PCDHGA6: variants seen among roughly 807,000 people sequenced by gnomAD.
The protein encoded by PCDHGA6 is protocadherin gamma subfamily A, 6, also known as protocadherin gamma-A6.
In PCDHGA6, 41 loss-of-function variants were observed where a neutral mutation model predicts 60.6. That is an observed-to-expected ratio of 0.68 (90% CI 0.53 to 0.88). The LOEUF (loss-of-function observed/expected upper bound fraction) is 0.88, where lower values mean the gene tolerates loss of function less well. Among genes scored for constraint, PCDHGA6 ranks in the 40% least tolerant of loss-of-function variants. The pLI is 0.00. For synonymous variants in PCDHGA6, 594 were observed against 524.4 expected (o/e 1.13, Z -1.81); for missense variants, 1,312 against 1,203.0 (o/e 1.09, Z -1.34).
intron 1 of PCDHGA6, chr5:141,409,285 T>G (rs773096828): frequency 6.2e-7 from 1 of 1,613,966 alleles, no homozygotes; most frequent in South Asian, 1.1e-5. Context: ...AGAATTCACC[T>G]CCAGGAATGG....
chr5:141,487,467 T>C lies in PCDHGA6; in HGVS notation c.2425-7340T>C. ...GATGACCCTATCAAGTTTGTTGATG[T>C]GGGAGGCCACTCTCATGGCTGTACA... On this transcript the variant is annotated intron_variant, in intron 1 of 3. Transcript: ENST00000517434. The surrounding 1 kb of genome is among the most constrained non-coding windows in gnomAD (Gnocchi z 5.0). 6.2e-7 allele frequency: 1 copy of C among 1,614,186 alleles called. No individual in the cohort carries two copies. The highest frequency in any genetic ancestry group is 8.5e-7 in the Non-Finnish European group (1 of 1,180,026).
chr5:141,506,832 C>T (rs1398190563), intron 3 of PCDHGA6, among the ~76,000 whole-genome samples: 1 of 152,130 alleles, frequency 6.6e-6, no homozygotes, highest in African/African-American at 2.4e-5. Flanking sequence ...GAACTGATAG[C>T]CCTGCCCTCC....
rs1373211276 is a variant in PCDHGA6, at chr5:141,374,153, T to TG, written c.76dup (p.Ala26GlyfsTer46). The TG allele has an allele frequency of 3.1e-6, 5 of 1,612,056 alleles. No individual in the cohort carries two copies. Among genetic ancestry groups the TG allele is most frequent in the African/African-American group, 2.7e-5 (2 of 75,012 alleles). On this transcript the variant is annotated frameshift_variant, in exon 1 of 4. Coordinates refer to ENST00000517434, the MANE Select transcript of PCDHGA6 (RefSeq NM_018919.3). LOFTEE classifies it high-confidence loss of function. ...GCTCCTCACGCTCCTGGGGACGCTGTGGGGGGCCGCGGCAGCGCAGATCCG... is the reference window on the plus strand; with the variant it reads ...GCTCCTCACGCTCCTGGGGACGCTGTGGGGGGGCCGCGGCAGCGCAGATCCG...
chr5:141,393,742 A>T, intron 1 of PCDHGA6: 1 of 1,613,902 alleles, frequency 6.2e-7, no homozygotes, highest in Non-Finnish European at 8.5e-7. Flanking sequence ...CTAGATTATG[A>T]AGAATGTTCA....
At chr5:141,398,414 G>C (rs373274513) in intron 1 of PCDHGA6, 1 of 1,487,954 alleles carries the variant, frequency 6.7e-7, no homozygotes, top group Non-Finnish European at 9.3e-7. Flanking sequence ...GAGGAGATAT[G>C]CGGGAAGAAG....
intron 1 of PCDHGA6, among the ~76,000 whole-genome samples, chr5:141,444,152 ATTTTTTTTTTTTTTTT>A (rs747671382): frequency 6.3e-3 from 214 of 33,896 alleles, no homozygotes; most frequent in African/African-American, 0.023. Flanking sequence ...TGTGTACTGG[ATTTTTTTTTTTTTTTT>A]TTTTTTTTTT....
At position 141,511,411 on chromosome 5, in the gene PCDHGA6, A is replaced by G; in HGVS notation, c.*238A>G. On this transcript the variant is annotated 3_prime_UTR_variant, in exon 4 of 4. Coordinates refer to ENST00000517434, the MANE Select transcript of PCDHGA6 (RefSeq NM_018919.3). ...GAACCCCCATCCAATCAACTGCTGT[A>G]CCCATGGGGGTAGTGGGGTTACTGT... The G allele has an allele frequency of 1.1e-6, 1 of 901,334 alleles. No homozygotes were observed. Among genetic ancestry groups the G allele is most frequent in the Non-Finnish European group, 1.6e-6 (1 of 617,750 alleles). The allele number at this position is 901,334 out of a possible 1,614,324, so 55.8% of individuals were successfully genotyped here. A position where few individuals can be genotyped will look rare whatever the true frequency, so the allele number is the denominator to read the frequency against.
intron 1 of PCDHGA6, among the ~76,000 whole-genome samples, chr5:141,452,114 A>C (rs1443131264): frequency 1.3e-5 from 2 of 152,098 alleles, no homozygotes; most frequent in Admixed American, 1.3e-4. Flanking sequence ...TTCTCTTCTT[A>C]TTTATTCATA....
chr5:141,432,209 A>C lies in PCDHGA6; in HGVS notation c.2424+55702A>C, dbSNP rs1473794319. ...CGCCCACGACCCCGACTGTGAAGAGAACGCCCAGATCACTTATTCCCTGGC... is the reference window on the plus strand; with the variant it reads ...CGCCCACGACCCCGACTGTGAAGAGCACGCCCAGATCACTTATTCCCTGGC... On this transcript the variant is annotated intron_variant, in intron 1 of 3. Transcript: ENST00000517434. This position sits in a 1 kb window ranked among gnomAD's most constrained non-coding sequence, Gnocchi z 6.0. 2 of 1,614,098 alleles carry C rather than the reference A, an allele frequency of 1.2e-6. No homozygotes were observed. Among genetic ancestry groups the C allele is most frequent in the Non-Finnish European group, 8.5e-7 (1 of 1,180,032 alleles).
Position 141,491,895 on chromosome 5 carries a change from A to G in PCDHGA6, c.2425-2912A>G. On this transcript the variant is annotated intron_variant, in intron 1 of 3. Transcript: ENST00000517434. This position sits in a 1 kb window ranked among gnomAD's most constrained non-coding sequence, Gnocchi z 6.9. Reference sequence around the variant, plus strand: ...CCGATTAAGGGATGGGGCTCCGAGCACCGGGGGTGGTGGCGACTGTGGGCG... The same window carrying G: ...CCGATTAAGGGATGGGGCTCCGAGCGCCGGGGGTGGTGGCGACTGTGGGCG... 7.0e-7 allele frequency: 1 copy of G among 1,434,306 alleles called. No homozygotes were observed. The highest frequency in any genetic ancestry group is 9.2e-7 in the Non-Finnish European group (1 of 1,084,904). 88.8% of individuals were successfully genotyped at this position (1,434,306 alleles called of 1,614,324 possible). A position where few individuals can be genotyped will look rare whatever the true frequency, so the allele number is the denominator to read the frequency against.
Position 141,375,313 on chromosome 5 carries a change from A to C in PCDHGA6, c.1230A>C (p.Leu410=). ...ATCGATTAGTGACAAATGCAGCTCT[A>C]GACCGGGAAGAGGTATTCTTGTACA... ...NYYRLVTNAA[L]DREEVFLYNI... is the part of the protein sequence containing the mutation. Residue 410 remains leucine (L), a synonymous_variant, in exon 1 of 4, where the codon CTA becomes CTC. Coordinates refer to ENST00000517434, the MANE Select transcript of PCDHGA6 (RefSeq NM_018919.3). 1 of 1,613,824 alleles carries C rather than the reference A, an allele frequency of 6.2e-7. No individual in the cohort carries two copies. Among genetic ancestry groups the C allele is most frequent in the Non-Finnish European group, 8.5e-7 (1 of 1,179,888 alleles).
chr5:141,397,424 T>A (rs975746097), intron 1 of PCDHGA6, among the ~76,000 whole-genome samples: 4 of 152,324 alleles, frequency 2.6e-5, no homozygotes, highest in African/African-American at 9.6e-5. Flanking sequence ...ATAGTATAGA[T>A]TTCCCTAATA....
intron 1 of PCDHGA6, among the ~76,000 whole-genome samples, chr5:141,454,628 A>C (rs1008375225): frequency 1.3e-4 from 19 of 151,334 alleles, no homozygotes; most frequent in African/African-American, 4.4e-4. Context: ...CTGGTCTCGA[A>C]CCCCCAACCT....
At position 141,374,200 on chromosome 5, in the gene PCDHGA6, G is replaced by A. The variant is rs372035857; in HGVS notation, c.117G>A (p.Leu39=). The A allele has an allele frequency of 1.1e-5, 17 of 1,613,778 alleles. No individual in the cohort carries two copies. The highest frequency in any genetic ancestry group is 2.7e-5 in the African/African-American group (2 of 74,950). ...AQIRYSIPEE[L]EKGSFVGNIV... Reference sequence around the variant, plus strand: ...TCCGCTACTCTATTCCCGAGGAGCTGGAGAAAGGCTCCTTCGTAGGCAACA... The same window carrying A: ...TCCGCTACTCTATTCCCGAGGAGCTAGAGAAAGGCTCCTTCGTAGGCAACA... The change falls in exon 1 of 4, where the codon CTG becomes CTA. Residue 39 remains leucine (L), a synonymous_variant. Transcript: ENST00000517434.
chr5:141,382,326 T>G (rs1007367155), intron 1 of PCDHGA6, among the ~76,000 whole-genome samples: 1 of 152,352 alleles, frequency 6.6e-6, no homozygotes, highest in Admixed American at 6.5e-5. Context: ...TGTAAATATT[T>G]TCTAAGTAAA....
intron 1 of PCDHGA6, chr5:141,408,623 G>T: frequency 6.2e-7 from 1 of 1,614,004 alleles, no homozygotes; most frequent in Non-Finnish European, 8.5e-7. Context: ...AATACATTTA[G>T]AAATTTTCGA....
intron 1 of PCDHGA6, among the ~76,000 whole-genome samples, chr5:141,445,871 T>C (rs1318495005): frequency 6.6e-6 from 1 of 152,198 alleles, no homozygotes; most frequent in Non-Finnish European, 1.5e-5. Context: ...TTGTTCTAAA[T>C]ACCCTTGTAC....
Position 141,431,628 on chromosome 5 carries a change from A to T in PCDHGA6, c.2424+55121A>T, listed in dbSNP as rs1204083567. The T allele has an allele frequency of 6.2e-7, 1 of 1,614,138 alleles. No individual in the cohort carries two copies. Among genetic ancestry groups the T allele is most frequent in the Non-Finnish European group, 8.5e-7 (1 of 1,180,058 alleles). ...CGGTATGTGGACGACAAGGCGGCCC[A>T]AGTTTTCAAACTAGATTGTAATTCA... On this transcript the variant is annotated intron_variant, in intron 1 of 3. Coordinates refer to ENST00000517434, the MANE Select transcript of PCDHGA6 (RefSeq NM_018919.3). The surrounding 1 kb of genome is among the most constrained non-coding windows in gnomAD (Gnocchi z 4.8).
Position 141,487,660 on chromosome 5 carries a change from T to C in PCDHGA6, c.2425-7147T>C. Reference sequence around the variant, plus strand: ...AACAAATGCTTGAGGGTTATTCTGATCCAGGCATATGGCTAGGCCATGTCC... The same window carrying C: ...AACAAATGCTTGAGGGTTATTCTGACCCAGGCATATGGCTAGGCCATGTCC... On this transcript the variant is annotated intron_variant, in intron 1 of 3. Coordinates refer to ENST00000517434, the MANE Select transcript of PCDHGA6 (RefSeq NM_018919.3). The surrounding 1 kb of genome is among the most constrained non-coding windows in gnomAD (Gnocchi z 5.0). The C allele has an allele frequency of 6.2e-7, 1 of 1,613,442 alleles. No homozygotes were observed. The highest frequency in any genetic ancestry group is 8.5e-7 in the Non-Finnish European group (1 of 1,179,710).
Sources: allele counts gnomAD v4.1 joint callset (sites outside exome capture counted in the v4.1 genomes callset), GRCh38; gene constraint gnomAD v4.1.1; non-coding constraint Gnocchi (gnomAD v3.1); transcripts MANE v1.5; gene names NCBI Gene and HGNC (gene_info 2026-07-23, HGNC 2026-07-21).